Variants in B3GALT1 observed in about 807,000 individuals in gnomAD.
B3GALT1 encodes the protein beta-1,3-galactosyltransferase 1.
A neutral mutation model predicts 23.2 loss-of-function variants in B3GALT1; 10 were observed. The ratio of observed to expected loss-of-function variants is 0.43; its 90% confidence interval spans 0.27 to 0.73. The LOEUF (loss-of-function observed/expected upper bound fraction) is 0.73, where lower values mean the gene tolerates loss of function less well. Among genes scored for constraint, B3GALT1 ranks in the 30% least tolerant of loss-of-function variants. The pLI, the probability that B3GALT1 is intolerant of heterozygous loss-of-function variation, is 0.21. For missense variants in B3GALT1, 299 were observed against 405.4 expected, an observed-to-expected ratio of 0.74 and a Z score of 2.25; for synonymous variants, 156 against 141.5, an observed-to-expected ratio of 1.10 and a Z score of -0.73.
intron 2 of B3GALT1, among the ~76,000 whole-genome samples, chr2:167,514,435 C>A (rs147792775): frequency 6.6e-6 from 1 of 152,056 alleles, no homozygotes; most frequent in African/African-American, 2.4e-5. Flanking sequence ...TACAAGAGAA[C>A]AGGAAGAATA....
intron 1 of B3GALT1, among the ~76,000 whole-genome samples, chr2:167,415,033 C>T (rs1226267834): frequency 6.6e-6 from 1 of 152,134 alleles, no homozygotes; most frequent in Non-Finnish European, 1.5e-5. Flanking sequence ...TGTAGCAACT[C>T]GAATGAGATA....
At chr2:167,763,943 G>A (rs1687935848) in intron 3 of B3GALT1, among the ~76,000 whole-genome samples, 1 of 151,968 alleles carries the variant, frequency 6.6e-6, no homozygotes, top group Non-Finnish European at 1.5e-5. Context: ...ATGACCTAGA[G>A]GCATTTACCT....
At chr2:167,316,423 C>A (rs149412667) in intron 1 of B3GALT1, among the ~76,000 whole-genome samples, 75 of 152,076 alleles carry the variant, frequency 4.9e-4, no homozygotes, top group African/African-American at 1.8e-3. Flanking sequence ...AAATATTTTG[C>A]CATCACACCT....
intron 1 of B3GALT1, among the ~76,000 whole-genome samples, chr2:167,451,229 C>T (rs1699086224): frequency 1.3e-5 from 2 of 151,994 alleles, no homozygotes; most frequent in Non-Finnish European, 2.9e-5. Context: ...GGTTCCATTG[C>T]TGGTGAGCTA....
intron 1 of B3GALT1, among the ~76,000 whole-genome samples, chr2:167,319,793 T>C (rs991962697): frequency 3.9e-5 from 6 of 152,168 alleles, no homozygotes; most frequent in Admixed American, 1.3e-4. Flanking sequence ...CTAATCCCTC[T>C]AAGTGTTTAC....
chr2:167,496,032 T>G (rs1699778763), intron 2 of B3GALT1, among the ~76,000 whole-genome samples: 1 of 152,236 alleles, frequency 6.6e-6, no homozygotes, highest in African/African-American at 2.4e-5. Context: ...TGGGACCACA[T>G]GTACCTGAGT....
intron 1 of B3GALT1, among the ~76,000 whole-genome samples, chr2:167,342,211 A>C (rs1697157794): frequency 6.6e-6 from 1 of 152,226 alleles, no homozygotes; most frequent in African/African-American, 2.4e-5. Flanking sequence ...TTAAACTGAA[A>C]AAAAAGACAC....
intron 3 of B3GALT1, among the ~76,000 whole-genome samples, chr2:167,805,036 G>A (rs1292633611): frequency 4.6e-5 from 7 of 152,112 alleles, no homozygotes; most frequent in Admixed American, 3.3e-4. Context: ...GTGTGAGATG[G>A]TATCTCACTG....
At chr2:167,513,898 A>G (rs192974415) in intron 2 of B3GALT1, among the ~76,000 whole-genome samples, 15 of 151,898 alleles carry the variant, frequency 9.9e-5, no homozygotes, top group Non-Finnish European at 1.3e-4. Context: ...TTTTATTTGT[A>G]TGTATATTTA....
At chr2:167,588,453 T>A (rs1359422402) in intron 2 of B3GALT1, among the ~76,000 whole-genome samples, 1 of 152,220 alleles carries the variant, frequency 6.6e-6, no homozygotes, top group Non-Finnish European at 1.5e-5. Context: ...ATTTTATACA[T>A]ATTATTAAAT....
chr2:167,527,640 TTGAC>T (rs1683244441), intron 2 of B3GALT1, among the ~76,000 whole-genome samples: 2 of 152,208 alleles, frequency 1.3e-5, no homozygotes, highest in Non-Finnish European at 2.9e-5. Flanking sequence ...AAAAAATTAT[TTGAC>T]TCCATATTGC....
intron 1 of B3GALT1, among the ~76,000 whole-genome samples, chr2:167,309,773 A>G (rs990968981): frequency 6.6e-6 from 1 of 152,126 alleles, no homozygotes; most frequent in East Asian, 1.9e-4. Flanking sequence ...TGGTACTTTC[A>G]TTTTGACTTT....
intron 4 of B3GALT1, among the ~76,000 whole-genome samples, chr2:167,847,841 A>C (rs113902862): frequency 1.3e-5 from 2 of 152,328 alleles, no homozygotes; most frequent in African/African-American, 4.8e-5. Context: ...ATAGACTATT[A>C]ACAAGATTAA....
intron 2 of B3GALT1, among the ~76,000 whole-genome samples, chr2:167,625,941 C>CCA: frequency 1.5e-5 from 1 of 67,012 alleles, no homozygotes; most frequent in Non-Finnish European, 2.7e-5. Context: ...AATGACTAGG[C>CCA]CATATATATA....
chr2:167,396,734 T>C (rs1348791417), intron 1 of B3GALT1, among the ~76,000 whole-genome samples: 2 of 151,872 alleles, frequency 1.3e-5, no homozygotes, highest in Non-Finnish European at 2.9e-5. Flanking sequence ...AAGACCTAAG[T>C]GTACATGAAG....
chr2:167,640,088 T>C lies in B3GALT1; in HGVS notation c.-409-6821T>C, dbSNP rs535039480. 8.5e-5 allele frequency among the ~76,000 whole-genome samples: 13 copies of C among 152,254 alleles called. No individual in the cohort carries two copies. In the South Asian group the frequency reaches 2.7e-3, roughly 32 times the overall value. On this transcript the variant is annotated intron_variant, in intron 2 of 4. Transcript: ENST00000392690. ...TATGATGTTCCAAATAACATCTCTG[T>C]AGATAACATTCCTTTGATCTAAGCA...
intron 1 of B3GALT1, among the ~76,000 whole-genome samples, chr2:167,459,155 C>T (rs912678550): frequency 3.9e-5 from 6 of 152,034 alleles, no homozygotes; most frequent in African/African-American, 1.4e-4. Flanking sequence ...CATTTTTTCA[C>T]TTGTTTTCTA....
chr2:167,370,036 T>C (rs1056396437), intron 1 of B3GALT1, among the ~76,000 whole-genome samples: 5 of 152,228 alleles, frequency 3.3e-5, no homozygotes, highest in Admixed American at 6.5e-5. Context: ...TTGTTTCTAA[T>C]GGAAGCAGTG....
At chr2:167,755,976 T>A (rs1437328841) in intron 3 of B3GALT1, among the ~76,000 whole-genome samples, 1 of 151,828 alleles carries the variant, frequency 6.6e-6, no homozygotes, top group Non-Finnish European at 1.5e-5. Flanking sequence ...CCTCGTCTCT[T>A]AAAAAAACAA....
Sources: gnomAD v4.1 joint callset for allele counts (sites outside exome capture counted in the v4.1 genomes callset) on GRCh38, gnomAD v4.1.1 for gene constraint, MANE v1.5 for transcripts, NCBI Gene and HGNC (gene_info 2026-07-23, HGNC 2026-07-21) for gene names.